Variants in PDPK1 observed in about 807,000 individuals in gnomAD.
The protein encoded by PDPK1 is 3-phosphoinositide dependent protein kinase 1, also known as 3-phosphoinositide-dependent protein kinase 1.
A neutral mutation model predicts 39.8 loss-of-function variants in PDPK1; 7 were observed. That is an observed-to-expected ratio of 0.18 (90% CI 0.10 to 0.33). The LOEUF (loss-of-function observed/expected upper bound fraction) is 0.33. PDPK1 is among the 10% of genes least tolerant of loss of function. The pLI is 1.00. For synonymous variants in PDPK1, 118 were observed against 159.1 expected (o/e 0.74, Z 1.95); for missense variants, 182 against 384.7 (o/e 0.47, Z 4.41).
At position 2,599,079 on chromosome 16, in the gene PDPK1, G is replaced by A. The variant is rs971129084; in HGVS notation, c.*1312G>A. On this transcript the variant is annotated 3_prime_UTR_variant, in exon 14 of 14. Transcript: ENST00000342085. ...TTCCCTTTGATGCTTTGGTGGCCTTGCCCCGCTCTGCAGCACAGACAGGCC... is the reference window on the plus strand; with the variant it reads ...TTCCCTTTGATGCTTTGGTGGCCTTACCCCGCTCTGCAGCACAGACAGGCC... 1.7e-5 allele frequency: 4 copies of A among 233,372 alleles called. No homozygotes were observed. The East Asian group carries it at 2.4e-4, about 14-fold the overall frequency. 14.5% of individuals were successfully genotyped at this position (233,372 alleles called of 1,614,324 possible).
rs1487374667 is a variant in PDPK1 at position 2,602,171 on chromosome 16, TC to T, written c.*4405del. ...GTCATACACTTTTCCCCAGTTATTTTCAAACTTGACATGAGCCTATGTTGAC... is the reference window on the plus strand; with the variant it reads ...GTCATACACTTTTCCCCAGTTATTTTAAACTTGACATGAGCCTATGTTGAC... On this transcript the variant is annotated 3_prime_UTR_variant, in exon 14 of 14. Coordinates refer to ENST00000342085, the MANE Select transcript of PDPK1 (RefSeq NM_002613.5). 1 of 234,482 alleles carries T rather than the reference TC, an allele frequency of 4.3e-6. No individual in the cohort carries two copies. The highest frequency in any genetic ancestry group is 8.5e-6 in the Non-Finnish European group (1 of 118,010). The allele number at this position is 234,482 out of a possible 1,614,324, so 14.5% of individuals were successfully genotyped here.
chr16:2,595,541 TGGCA>T (rs1189992928), intron 11 of PDPK1, among the ~76,000 whole-genome samples: 1 of 152,226 alleles, frequency 6.6e-6, no homozygotes, highest in Non-Finnish European at 1.5e-5. Context: ...TGGATGTCAC[TGGCA>T]GTGAGGGGGC....
Position 2,602,915 on chromosome 16 carries a change from A to AATTATTTAAATTCTAATATATGT in PDPK1, c.*5155_*5156insAAATTCTAATATATGTATTATTT. The AATTATTTAAATTCTAATATATGT allele has an allele frequency of 4.3e-6, 1 of 232,540 alleles. No homozygotes were observed. Among genetic ancestry groups the AATTATTTAAATTCTAATATATGT allele is most frequent in the Non-Finnish European group, 8.5e-6 (1 of 117,436 alleles). 14.4% of individuals were successfully genotyped at this position (232,540 alleles called of 1,614,324 possible). A position where few individuals can be genotyped will look rare whatever the true frequency, so the allele number is the denominator to read the frequency against. ...TGTGTTATTTAAATTCTAATATATGAATTATTTGAATTGAATTCATGTTCG... is the reference window on the plus strand; with the variant it reads ...TGTGTTATTTAAATTCTAATATATGAATTATTTAAATTCTAATATATGTATTATTTGAATTGAATTCATGTTCG... On this transcript the variant is annotated 3_prime_UTR_variant, in exon 14 of 14. Transcript: ENST00000342085.
At chr16:2,586,918 T>C (rs368294682) in intron 11 of PDPK1, 25 bp downstream of exon 11, 2 of 1,603,660 alleles carry the variant, frequency 1.2e-6, no homozygotes, top group African/African-American at 2.7e-5. Flanking sequence ...ACATAAGCAA[T>C]GCTTTTTGCA....
In PDPK1 at chr16:2,600,847, C is replaced by T. The variant is rs2067202403; in HGVS notation, c.*3080C>T. 5.0e-6 allele frequency: 1 copy of T among 201,318 alleles called. No individual in the cohort carries two copies. The highest frequency in any genetic ancestry group is 9.3e-6 in the Non-Finnish European group (1 of 108,098). 12.5% of individuals were successfully genotyped at this position (201,318 alleles called of 1,614,324 possible). A position where few individuals can be genotyped will look rare whatever the true frequency, so the allele number is the denominator to read the frequency against. ...TGAGCATTTTGCCGTATATCCTGCC[C>T]TGCCATTTGTTCACTTTTTAAACTA... On this transcript the variant is annotated 3_prime_UTR_variant, in exon 14 of 14. Coordinates refer to ENST00000342085, the MANE Select transcript of PDPK1 (RefSeq NM_002613.5).
rs1266975503 is a variant in PDPK1, at chr16:2,600,100, C to T, written c.*2333C>T. 1 of 233,244 alleles carries T rather than the reference C, an allele frequency of 4.3e-6. No individual in the cohort carries two copies. The highest frequency in any genetic ancestry group is 8.5e-6 in the Non-Finnish European group (1 of 118,116). 14.4% of individuals were successfully genotyped at this position (233,244 alleles called of 1,614,324 possible). A position where few individuals can be genotyped will look rare whatever the true frequency, so the allele number is the denominator to read the frequency against. On this transcript the variant is annotated 3_prime_UTR_variant, in exon 14 of 14. Coordinates refer to ENST00000342085, the MANE Select transcript of PDPK1 (RefSeq NM_002613.5). Reference sequence around the variant, plus strand: ...GGCCCGTGTGTTTTCTTTCCTTACCCTGTGCTTGCTCATGTCTACTCCGGT... The same window carrying T: ...GGCCCGTGTGTTTTCTTTCCTTACCTTGTGCTTGCTCATGTCTACTCCGGT...
At position 2,598,971 on chromosome 16, in the gene PDPK1, G is replaced by A. The variant is rs921218002; in HGVS notation, c.*1204G>A. The A allele has an allele frequency of 5.6e-5, 13 of 233,204 alleles. No individual in the cohort carries two copies. Among genetic ancestry groups the A allele is most frequent in the Non-Finnish European group, 1.0e-4 (12 of 118,076 alleles). 14.4% of individuals were successfully genotyped at this position (233,204 alleles called of 1,614,324 possible). A position where few individuals can be genotyped will look rare whatever the true frequency, so the allele number is the denominator to read the frequency against. The stretch of plus-strand genomic sequence containing the variant: ...CATAGAGTGGGCTTTGCCAGTTGCT[G>A]TTGCACAGGAGGCGAGAACAGCACA... On this transcript the variant is annotated 3_prime_UTR_variant, in exon 14 of 14. Coordinates refer to ENST00000342085, the MANE Select transcript of PDPK1 (RefSeq NM_002613.5).
In PDPK1 at chr16:2,598,394, T is replaced by C. The variant is rs185952911; in HGVS notation, c.*627T>C. On this transcript the variant is annotated 3_prime_UTR_variant, in exon 14 of 14. Coordinates refer to ENST00000342085, the MANE Select transcript of PDPK1 (RefSeq NM_002613.5). ...GGTGGCAGCTTTCTGTGGCCCCTGCTGTGTTGGCAGGCAGGTTTGCGTGGT... is the reference window on the plus strand; with the variant it reads ...GGTGGCAGCTTTCTGTGGCCCCTGCCGTGTTGGCAGGCAGGTTTGCGTGGT... 339 of 234,390 alleles carry C rather than the reference T, an allele frequency of 1.4e-3. 7 individuals carry two copies. The Admixed American group carries it at 0.016, about 11-fold the overall frequency. The allele number at this position is 234,390 out of a possible 1,614,324, so 14.5% of individuals were successfully genotyped here.
rs2067148907 is a variant in PDPK1 at position 2,598,491 on chromosome 16, C to A, written c.*724C>A. 2 of 233,698 alleles carry A rather than the reference C, an allele frequency of 8.6e-6. No individual in the cohort carries two copies. Among genetic ancestry groups the A allele is most frequent in the East Asian group, 6.0e-5 (1 of 16,604 alleles). The allele number at this position is 233,698 out of a possible 1,614,324, so 14.5% of individuals were successfully genotyped here. On this transcript the variant is annotated 3_prime_UTR_variant, in exon 14 of 14. Transcript: ENST00000342085. ...GAGGGTGCCATCGAGGGCTCCGGAT[C>A]CCTTATCCTACTTAGCAGTGTTGGT...
chr16:2,538,744 A>G, intron 1 of PDPK1: 1 of 1,287,200 alleles, frequency 7.8e-7, no homozygotes, highest in South Asian at 1.2e-5. Flanking sequence ...AATGTGCAGG[A>G]TCACCGAGGG....
chr16:2,541,291 C>A (rs889182492), intron 1 of PDPK1, among the ~76,000 whole-genome samples: 20 of 152,184 alleles, frequency 1.3e-4, no homozygotes, highest in Non-Finnish European at 2.9e-5. Flanking sequence ...AGTCTATGCA[C>A]TCATCCCCTG....
intron 11 of PDPK1, among the ~76,000 whole-genome samples, chr16:2,587,444 G>A (rs1249539987): frequency 1.3e-5 from 2 of 152,148 alleles, no homozygotes; most frequent in African/African-American, 4.8e-5. Flanking sequence ...TGTCTCCTGT[G>A]TTCATGACCA....
chr16:2,602,538 C>T lies in PDPK1; in HGVS notation c.*4771C>T. On this transcript the variant is annotated 3_prime_UTR_variant, in exon 14 of 14. Transcript: ENST00000342085. ...AAGCTGTGTAACCCACATAGCCTAA[C>T]CACCTGGCAGAATGACTACGAATAG... The T allele has an allele frequency of 4.3e-6, 1 of 234,888 alleles. No individual in the cohort carries two copies. Among genetic ancestry groups the T allele is most frequent in the Non-Finnish European group, 8.5e-6 (1 of 118,074 alleles). 14.6% of individuals were successfully genotyped at this position (234,888 alleles called of 1,614,324 possible).
chr16:2,543,222 G>A (rs1201382208), intron 1 of PDPK1, among the ~76,000 whole-genome samples: 1 of 7,598 alleles, frequency 1.3e-4, no homozygotes, highest in Non-Finnish European at 2.9e-4. Flanking sequence ...GTTGGGAGCG[G>A]GGACAGGACC....
chr16:2,599,052 A>G lies in PDPK1; in HGVS notation c.*1285A>G, dbSNP rs1003057873. On this transcript the variant is annotated 3_prime_UTR_variant, in exon 14 of 14. Transcript: ENST00000342085. ...TCTAGAGAGAGCCGGTTTTGGGGCC[A>G]TTTCCCTTTGATGCTTTGGTGGCCT... 2 of 233,220 alleles carry G rather than the reference A, an allele frequency of 8.6e-6. No homozygotes were observed. The highest frequency in any genetic ancestry group is 4.4e-5 in the African/African-American group (2 of 45,308). The allele number at this position is 233,220 out of a possible 1,614,324, so 14.4% of individuals were successfully genotyped here.
At chr16:2,594,747 G>A (rs1597075125) in intron 11 of PDPK1, among the ~76,000 whole-genome samples, 1 of 152,102 alleles carries the variant, frequency 6.6e-6, no homozygotes, top group Non-Finnish European at 1.5e-5. Context: ...TTGGGAGGCC[G>A]AGGCAGGCGG....
intron 1 of PDPK1, among the ~76,000 whole-genome samples, chr16:2,553,170 TAAAAAAAAAA>T (rs1162812696): frequency 2.3e-5 from 3 of 130,858 alleles, no homozygotes; most frequent in South Asian, 2.3e-4. Flanking sequence ...CTTTTTTTTT[TAAAAAAAAAA>T]AAGAAAAAAA....
intron 1 of PDPK1, 94 bp downstream of exon 1, chr16:2,538,230 C>G (rs1229754314): frequency 5.8e-5 from 37 of 633,238 alleles, no homozygotes; most frequent in Non-Finnish European, 7.0e-5. Context: ...GCCCGGGGTC[C>G]CGAGGGCCGG....
Position 2,593,198 on chromosome 16 carries a change from C to T in PDPK1, c.1344-2595C>T. ...AGGGTGGAGCGGCCCAGCTCAATGTCTTCATTTAGGGCCATTGAGAGTTTC... is the reference window on the plus strand; with the variant it reads ...AGGGTGGAGCGGCCCAGCTCAATGTTTTCATTTAGGGCCATTGAGAGTTTC... On this transcript the variant is annotated intron_variant, in intron 11 of 13. Coordinates refer to ENST00000342085, the MANE Select transcript of PDPK1 (RefSeq NM_002613.5). The surrounding 1 kb of genome is among the most constrained non-coding windows in gnomAD (Gnocchi z 4.2). The T allele has an allele frequency of 2.4e-6, 1 of 411,460 alleles. No individual in the cohort carries two copies. The highest frequency in any genetic ancestry group is 1.7e-5 in the South Asian group (1 of 58,114). 25.5% of individuals were successfully genotyped at this position (411,460 alleles called of 1,614,324 possible).
Sources: gnomAD v4.1 joint callset for allele counts (sites outside exome capture counted in the v4.1 genomes callset) on GRCh38, gnomAD v4.1.1 for gene constraint, Gnocchi (gnomAD v3.1) non-coding constraint, MANE v1.5 for transcripts, NCBI Gene and HGNC (gene_info 2026-07-23, HGNC 2026-07-21) for gene names.